Variants in GPR158 observed in about 807,000 individuals in gnomAD.
GPR158 encodes G protein-coupled receptor 158.
GPR158 carries 30 observed loss-of-function variants against 78.2 expected under a neutral mutation model. That is an observed-to-expected ratio of 0.38 (90% CI 0.29 to 0.52). The LOEUF (loss-of-function observed/expected upper bound fraction) is 0.52. Ranked by LOEUF, GPR158 falls within the 20% of genes least tolerant of loss-of-function variation. The pLI is 0.83. For synonymous variants in GPR158, 581 were observed against 591.1 expected, an observed-to-expected ratio of 0.98 and a Z score of 0.25; for missense variants, 1,463 against 1,523.5, an observed-to-expected ratio of 0.96 and a Z score of 0.66.
In GPR158 at chr10:25,602,015, G is replaced by GA. The variant is rs1396786355; in HGVS notation, c.*2747dup. The GA allele has an allele frequency of 1.3e-5, 2 of 152,556 alleles. No individual in the cohort carries two copies. The highest frequency in any genetic ancestry group is 2.9e-5 in the Non-Finnish European group (2 of 68,028). The allele number at this position is 152,556 out of a possible 1,614,324, so 9.5% of individuals were successfully genotyped here. ...CATGCAAGTTATGACAGGTAGGACTGAAAAAACACTGCCTTTTGACTTCTA... is the reference window on the plus strand; with the variant it reads ...CATGCAAGTTATGACAGGTAGGACTGAAAAAAACACTGCCTTTTGACTTCTA... On this transcript the variant is annotated 3_prime_UTR_variant, in exon 11 of 11. Transcript: ENST00000376351.
chr10:25,418,434 A>G (rs922417855), intron 4 of GPR158, among the ~76,000 whole-genome samples: 1 of 152,188 alleles, frequency 6.6e-6, no homozygotes, highest in Non-Finnish European at 1.5e-5. Context: ...TTAGGAAACT[A>G]ATTACACACA....
intron 5 of GPR158, among the ~76,000 whole-genome samples, chr10:25,473,831 T>C (rs1186459120): frequency 2.0e-5 from 3 of 152,114 alleles, no homozygotes; most frequent in African/African-American, 7.2e-5. Flanking sequence ...CCTGACCTTA[T>C]TTCAGTTCTC....
chr10:25,211,960 T>C (rs997700484), intron 1 of GPR158, among the ~76,000 whole-genome samples: 1 of 152,222 alleles, frequency 6.6e-6, no homozygotes, highest in Non-Finnish European at 1.5e-5. Context: ...TAATATTTGG[T>C]TGGGCAAGTC....
intron 2 of GPR158, among the ~76,000 whole-genome samples, chr10:25,240,824 A>G (rs11014456): frequency 0.11 from 17,059 of 152,200 alleles, 1,167 homozygotes; most frequent in East Asian, 0.31. Flanking sequence ...TTTTGGAAGA[A>G]ATTCCTTAAA....
chr10:25,317,435 G>A, intron 2 of GPR158, among the ~76,000 whole-genome samples: 1 of 151,348 alleles, frequency 6.6e-6, no homozygotes, highest in Admixed American at 6.6e-5. Context: ...TCTTCCTTGG[G>A]CATTTTGTAA....
At chr10:25,278,164 A>C (rs1854212800) in intron 2 of GPR158, among the ~76,000 whole-genome samples, 1 of 152,216 alleles carries the variant, frequency 6.6e-6, no homozygotes, top group Non-Finnish European at 1.5e-5. Context: ...TTCAGATATT[A>C]AGATTATTAA....
intron 1 of GPR158, among the ~76,000 whole-genome samples, chr10:25,204,934 G>A (rs561062429): frequency 2.0e-5 from 3 of 150,134 alleles, no homozygotes; most frequent in African/African-American, 4.9e-5. Context: ...ATTCCCACAT[G>A]TTGTGGGAGG....
At chr10:25,564,955 G>T (rs1836909167) in intron 6 of GPR158, among the ~76,000 whole-genome samples, 1 of 152,102 alleles carries the variant, frequency 6.6e-6, no homozygotes, top group Non-Finnish European at 1.5e-5. Context: ...TATTTACTGA[G>T]TTATAATGAA....
intron 5 of GPR158, among the ~76,000 whole-genome samples, chr10:25,521,322 C>G (rs1463662879): frequency 6.6e-6 from 1 of 152,230 alleles, no homozygotes; most frequent in African/African-American, 2.4e-5. Flanking sequence ...AATCACCCGT[C>G]TTCTGCGTCG....
At chr10:25,314,381 G>A (rs905589857) in intron 2 of GPR158, among the ~76,000 whole-genome samples, 1 of 152,134 alleles carries the variant, frequency 6.6e-6, no homozygotes, top group Admixed American at 6.5e-5. Flanking sequence ...TTACAGGCAT[G>A]AGCCACCACA....
At chr10:25,315,842 T>G (rs1352121447) in intron 2 of GPR158, among the ~76,000 whole-genome samples, 1 of 152,124 alleles carries the variant, frequency 6.6e-6, no homozygotes, top group African/African-American at 2.4e-5. Flanking sequence ...GTTGTTAAAA[T>G]GTCACCCTTT....
chr10:25,198,171 T>C (rs558193266), intron 1 of GPR158, among the ~76,000 whole-genome samples: 1 of 152,342 alleles, frequency 6.6e-6, no homozygotes, highest in Admixed American at 6.5e-5. Flanking sequence ...AGAGGATAGA[T>C]ATTCCATGCT....
intron 2 of GPR158, among the ~76,000 whole-genome samples, chr10:25,390,892 G>A (rs1055625563): frequency 6.6e-6 from 1 of 152,178 alleles, no homozygotes; most frequent in Non-Finnish European, 1.5e-5. Context: ...AGGCCTGGAG[G>A]CCCAGGGGGA....
At chr10:25,435,891 A>G (rs1834991382) in intron 4 of GPR158, among the ~76,000 whole-genome samples, 1 of 152,148 alleles carries the variant, frequency 6.6e-6, no homozygotes, top group South Asian at 2.1e-4. Flanking sequence ...TGGAAGATAC[A>G]TTTTTGGAGA....
At chr10:25,210,101 A>C (rs1853107626) in intron 1 of GPR158, among the ~76,000 whole-genome samples, 1 of 151,996 alleles carries the variant, frequency 6.6e-6, no homozygotes, top group South Asian at 2.1e-4. Context: ...AAAGGAAATC[A>C]CTCTTCTTCC....
At chr10:25,361,086 T>C (rs1855632608) in intron 2 of GPR158, among the ~76,000 whole-genome samples, 1 of 151,854 alleles carries the variant, frequency 6.6e-6, no homozygotes, top group Non-Finnish European at 1.5e-5. Context: ...CAACTCTCTT[T>C]TTCCCCTTTC....
At chr10:25,366,171 G>T (rs572726637) in intron 2 of GPR158, among the ~76,000 whole-genome samples, 1 of 151,332 alleles carries the variant, frequency 6.6e-6, no homozygotes, top group East Asian at 2.0e-4. Flanking sequence ...TTGGTAATTT[G>T]GGACTGTTAC....
intron 8 of GPR158, among the ~76,000 whole-genome samples, chr10:25,591,504 A>T (rs1319974999): frequency 1.3e-5 from 2 of 151,976 alleles, no homozygotes; most frequent in African/African-American, 4.8e-5. Flanking sequence ...ATAGACACAC[A>T]CTCTGATTGA....
chr10:25,311,533 C>G (rs7074664), intron 2 of GPR158, among the ~76,000 whole-genome samples: 30,748 of 151,786 alleles, frequency 0.2, 5,252 homozygotes, highest in African/African-American at 0.47. Flanking sequence ...TGATAGTTTA[C>G]TGACTTCATT....
Sources: gnomAD v4.1 joint callset for allele counts (sites outside exome capture counted in the v4.1 genomes callset) on GRCh38, gnomAD v4.1.1 for gene constraint, MANE v1.5 for transcripts, NCBI Gene and HGNC (gene_info 2026-07-23, HGNC 2026-07-21) for gene names.